ZFPM1: variants seen among roughly 807,000 people sequenced by gnomAD.
The protein encoded by ZFPM1 is zinc finger protein, FOG family member 1.
ZFPM1 carries 28 observed loss-of-function variants against 46.3 expected under a neutral mutation model. That is an observed-to-expected ratio of 0.60 (90% CI 0.45 to 0.83). ZFPM1 has a LOEUF of 0.83. Ranked by LOEUF, ZFPM1 falls within the 40% of genes least tolerant of loss-of-function variation. ZFPM1 has a pLI of 0.00. For synonymous variants in ZFPM1, 957 were observed against 675.9 expected, an observed-to-expected ratio of 1.42 and a Z score of -6.45; for missense variants, 1,878 against 1,432.4, an observed-to-expected ratio of 1.31 and a Z score of -5.02.
At chr16:88,506,546 G>C (rs1444300853) in intron 3 of ZFPM1, among the ~76,000 whole-genome samples, 3 of 152,194 alleles carry the variant, frequency 2.0e-5, no homozygotes, top group Non-Finnish European at 4.4e-5. Context: ...TGCGTCCGCA[G>C]AGTGGTGGCC....
At chr16:88,492,585 C>T (rs546552492) in intron 3 of ZFPM1, among the ~76,000 whole-genome samples, 1 of 152,350 alleles carries the variant, frequency 6.6e-6, no homozygotes, top group South Asian at 2.1e-4. Context: ...TGGCTGGACC[C>T]GGACTCACAG....
rs927662506 is a variant in ZFPM1 at position 88,536,252 on chromosome 16, G to A, written c.*1273G>A. The A allele has an allele frequency of 1.3e-5, 2 of 152,180 alleles. No homozygotes were observed. The highest frequency in any genetic ancestry group is 2.9e-5 in the Non-Finnish European group (2 of 68,042). The allele number at this position is 152,180 out of a possible 1,614,324, so 9.4% of individuals were successfully genotyped here. On this transcript the variant is annotated 3_prime_UTR_variant, in exon 10 of 10. Coordinates refer to ENST00000319555, the MANE Select transcript of ZFPM1 (RefSeq NM_153813.3). Reference sequence around the variant, plus strand: ...AGTGGCACGATCATAAGTCACTGCAGCCTCAAACTCCTGAGCTGAAACCAT... The same window carrying A: ...AGTGGCACGATCATAAGTCACTGCAACCTCAAACTCCTGAGCTGAAACCAT...
chr16:88,479,036 C>T (rs933521828), intron 1 of ZFPM1, among the ~76,000 whole-genome samples: 3 of 152,326 alleles, frequency 2.0e-5, no homozygotes, highest in East Asian at 1.9e-4. Flanking sequence ...GCACAGAAGG[C>T]GCCGTCTGCT....
At position 88,480,599 on chromosome 16, in the gene ZFPM1, C is replaced by A. The variant is rs546302873; in HGVS notation, c.41-5340C>A. Among the ~76,000 whole-genome samples the A allele has an allele frequency of 2.6e-5, 4 of 152,264 alleles. No individual in the cohort carries two copies. The highest frequency in any genetic ancestry group is 4.4e-5 in the Non-Finnish European group (3 of 68,038). ...TCCCAAGAGAGGCCAGCATAGGCGCCTGTGTCCCCTGCAGGCACCCACTGG... is the reference window on the plus strand; with the variant it reads ...TCCCAAGAGAGGCCAGCATAGGCGCATGTGTCCCCTGCAGGCACCCACTGG... On this transcript the variant is annotated intron_variant, in intron 1 of 9. Coordinates refer to ENST00000319555, the MANE Select transcript of ZFPM1 (RefSeq NM_153813.3). The surrounding 1 kb of genome is among the most constrained non-coding windows in gnomAD (Gnocchi z 4.9).
chr16:88,494,089 CAG>C (rs1264821410), intron 3 of ZFPM1, among the ~76,000 whole-genome samples: 1 of 152,170 alleles, frequency 6.6e-6, no homozygotes, highest in Non-Finnish European at 1.5e-5. Flanking sequence ...GTGTGTAGCG[CAG>C]AGTGTGGCTG....
At chr16:88,456,475 A>T (rs1007381304) in intron 1 of ZFPM1, among the ~76,000 whole-genome samples, 1 of 151,908 alleles carries the variant, frequency 6.6e-6, no homozygotes, top group African/African-American at 2.4e-5. Context: ...GAGGCGCTGC[A>T]GACCTGCCTG....
Position 88,460,921 on chromosome 16 carries a change from GCGGGGCGGGAGGCC to G in ZFPM1, c.40+7244_40+7257del, listed in dbSNP as rs1567525319. On this transcript the variant is annotated intron_variant, in intron 1 of 9. Coordinates refer to ENST00000319555, the MANE Select transcript of ZFPM1 (RefSeq NM_153813.3). ...TGGGAGGCCTGGTGAGGACCGAGGGGCGGGGCGGGAGGCCTGGTGATGACCGAGGGGCGGGGCGG... is the reference window on the plus strand; with the variant it reads ...TGGGAGGCCTGGTGAGGACCGAGGGGTGGTGATGACCGAGGGGCGGGGCGG... Among the ~76,000 whole-genome samples the G allele has an allele frequency of 2.7e-3, 135 of 49,182 alleles. 2 individuals carry two copies. Among genetic ancestry groups the G allele is most frequent in the African/African-American group, 0.012 (122 of 10,312 alleles). 32.3% of individuals were successfully genotyped at this position (49,182 alleles called of 152,430 possible).
At position 88,534,309 on chromosome 16, in the gene ZFPM1, C is replaced by A. The variant is rs1420933815; in HGVS notation, c.2351C>A (p.Ala784Glu). The change falls in exon 10 of 10, where the codon GCG becomes GAG. Residue 784 changes from alanine to glutamate, a missense_variant. By Grantham distance (107) the Ala-to-Glu change is moderately radical. Coordinates refer to ENST00000319555, the MANE Select transcript of ZFPM1 (RefSeq NM_153813.3). ...GSGSGPGLAP[A>E]RSPGPAADGP... ...GGAAGCGGCCCCGGCCTCGCCCCTG[C>A]GCGCTCGCCCGGCCCCGCGGCCGAC... 11 of 1,302,816 alleles carry A rather than the reference C, an allele frequency of 8.4e-6. No individual in the cohort carries two copies. The Admixed American group carries it at 3.8e-4, about 45-fold the overall frequency. The allele number at this position is 1,302,816 out of a possible 1,614,324, so 80.7% of individuals were successfully genotyped here. A position where few individuals can be genotyped will look rare whatever the true frequency, so the allele number is the denominator to read the frequency against.
chr16:88,534,797 C>G lies in ZFPM1; in HGVS notation c.2839C>G (p.Pro947Ala). ...CGCGCCCGAGGCCGTGCCGCCCCCG[C>G]CGGCGCCCCCCTCCTACTCGGACAA... The part of the protein sequence containing the change: ...AAAPEAVPPP[P>A]APPSYSDKGV... The change falls in exon 10 of 10, where the codon CCG (proline) becomes GCG (alanine). Residue 947 changes from proline (P) to alanine (A), a missense_variant. By Grantham distance (27) the Pro-to-Ala change is conservative. Coordinates refer to ENST00000319555, the MANE Select transcript of ZFPM1 (RefSeq NM_153813.3). The G allele has an allele frequency of 7.3e-7, 1 of 1,374,520 alleles. No homozygotes were observed. Among genetic ancestry groups the G allele is most frequent in the Non-Finnish European group, 9.4e-7 (1 of 1,059,262 alleles). The allele number at this position is 1,374,520 out of a possible 1,614,324, so 85.1% of individuals were successfully genotyped here.
intron 4 of ZFPM1, 103 bp downstream of exon 4, chr16:88,514,623 A>G (rs1220921658): frequency 7.3e-7 from 1 of 1,367,838 alleles, no homozygotes; most frequent in Non-Finnish European, 9.6e-7. Context: ...GGCTCTGGCC[A>G]CTTGAAGATG....
Position 88,489,952 on chromosome 16 carries a change from C to T in ZFPM1, c.268+799C>T, listed in dbSNP as rs192387520. 8.8e-3 allele frequency among the ~76,000 whole-genome samples: 1,293 copies of T among 146,774 alleles called. 19 individuals carry two copies. Among genetic ancestry groups the T allele is most frequent in the African/African-American group, 0.031 (1,220 of 39,506 alleles). ...TGGGTGAGGGAGGGAGGGGGCCCAG[C>T]AGAGGCGGGGTGGGGGTCGCAAGGT... On this transcript the variant is annotated intron_variant, in intron 3 of 9. Transcript: ENST00000319555.
At chr16:88,481,240 C>T (rs1324051577) in intron 1 of ZFPM1, among the ~76,000 whole-genome samples, 9 of 152,194 alleles carry the variant, frequency 5.9e-5, no homozygotes, top group Non-Finnish European at 8.8e-5. Context: ...CCGTGGACAC[C>T]TCCAGGCAGG....
At chr16:88,479,274 G>A (rs955191480) in intron 1 of ZFPM1, among the ~76,000 whole-genome samples, 6 of 152,268 alleles carry the variant, frequency 3.9e-5, no homozygotes, top group East Asian at 1.9e-4. Flanking sequence ...TGCTACCACT[G>A]CTCTCTGTGC....
At chr16:88,457,394 C>G (rs898178655) in intron 1 of ZFPM1, among the ~76,000 whole-genome samples, 1 of 152,252 alleles carries the variant, frequency 6.6e-6, no homozygotes, top group African/African-American at 2.4e-5. Flanking sequence ...CCACAGGGGA[C>G]AAGTTACTGT....
chr16:88,484,524 G>A (rs951329699), intron 1 of ZFPM1, among the ~76,000 whole-genome samples: 3 of 152,204 alleles, frequency 2.0e-5, no homozygotes, highest in African/African-American at 7.2e-5. Flanking sequence ...GGCGGCCGCA[G>A]GACCTGGGGT....
In ZFPM1 at chr16:88,534,321, GC is replaced by G; in HGVS notation, c.2367del (p.Ala790ArgfsTer8). The G allele has an allele frequency of 2.2e-6, 3 of 1,334,796 alleles. No individual in the cohort carries two copies. Among genetic ancestry groups the G allele is most frequent in the South Asian group, 3.4e-5 (2 of 58,524 alleles). 82.7% of individuals were successfully genotyped at this position (1,334,796 alleles called of 1,614,324 possible). On this transcript the variant is annotated frameshift_variant, in exon 10 of 10. Transcript: ENST00000319555. LOFTEE classifies it low-confidence loss of function (END_TRUNC). Reference protein sequence around the residue: ...GPGLAPARSPGPAADGPIDLS... With the variant: ...GPGLAPARSPXPAADGPIDLS... ...GGCCTCGCCCCTGCGCGCTCGCCCG[GC>G]CCCGCGGCCGACGGCCCCATCGACC...
chr16:88,503,376 T>C lies in ZFPM1; in HGVS notation c.269-11011T>C, dbSNP rs1210570824. On this transcript the variant is annotated intron_variant, in intron 3 of 9. Coordinates refer to ENST00000319555, the MANE Select transcript of ZFPM1 (RefSeq NM_153813.3). Reference sequence around the variant, plus strand: ...CACGGTTCCTGAGTGGAGGGATCTGTGTCTGGGGGGCCACGGTTCCTGAGT... The same window carrying C: ...CACGGTTCCTGAGTGGAGGGATCTGCGTCTGGGGGGCCACGGTTCCTGAGT... 3.5e-5 allele frequency among the ~76,000 whole-genome samples: 5 copies of C among 141,806 alleles called. No homozygotes were observed. The East Asian group carries it at 8.5e-4, about 24-fold the overall frequency. 93.0% of individuals were successfully genotyped at this position (141,806 alleles called of 152,430 possible). A position where few individuals can be genotyped will look rare whatever the true frequency, so the allele number is the denominator to read the frequency against.
rs781047669 is a variant in ZFPM1 at position 88,532,604 on chromosome 16, T to C, written c.947-10T>C. On this transcript the variant is annotated splice_polypyrimidine_tract_variant and intron_variant, in intron 7 of 9. Coordinates refer to ENST00000319555, the MANE Select transcript of ZFPM1 (RefSeq NM_153813.3). Reference sequence around the variant, plus strand: ...GCCCGGGCACCGCTCTTACGCGCCCTGTGTTCCAGGAGAGCGGCCCTTCGT... The same window carrying C: ...GCCCGGGCACCGCTCTTACGCGCCCCGTGTTCCAGGAGAGCGGCCCTTCGT... The C allele has an allele frequency of 1.0e-5, 16 of 1,558,632 alleles. No individual in the cohort carries two copies. The highest frequency in any genetic ancestry group is 1.9e-5 in the Admixed American group (1 of 51,642).
chr16:88,452,781 A>G (rs1242502345), upstream of ZFPM1, among the ~76,000 whole-genome samples: 1 of 151,276 alleles, frequency 6.6e-6, no homozygotes, highest in Non-Finnish European at 1.5e-5. Context: ...TCAGGACCCA[A>G]CCAGGTCGGG....
Sources: gnomAD v4.1 joint callset for allele counts (sites outside exome capture counted in the v4.1 genomes callset) on GRCh38, gnomAD v4.1.1 for gene constraint, Gnocchi (gnomAD v3.1) non-coding constraint, MANE v1.5 for transcripts, NCBI Gene and HGNC (gene_info 2026-07-23, HGNC 2026-07-21) for gene names.